The following EPCIP variants were observed in gnomAD, a reference collection of about 807,000 sequenced individuals.
EPCIP encodes the protein exosomal polycystin-1-interacting protein.
At chr21:32,799,342 T>C in the EPCIP span, among the ~76,000 whole-genome samples, 1 of 152,214 alleles carries the variant, frequency 6.6e-6, no homozygotes, top group Non-Finnish European at 1.5e-5. Flanking sequence ...GATTTTCAAA[T>C]TGGCTCCTTT....
chr21:32,797,665 C>T, the EPCIP span: 2 of 152,122 alleles, frequency 1.3e-5, no homozygotes, highest in Admixed American at 6.5e-5. Context: ...AGCAAGGACT[C>T]AACAAATTTC....
chr21:32,797,825 G>T, the EPCIP span: 1 of 152,090 alleles, frequency 6.6e-6, no homozygotes, highest in Non-Finnish European at 1.5e-5. Flanking sequence ...GAAAAATTAA[G>T]GAAGGATTTC....
At chr21:32,795,443 A>G in the EPCIP span, among the ~76,000 whole-genome samples, 1 of 152,218 alleles carries the variant, frequency 6.6e-6, no homozygotes, top group Non-Finnish European at 1.5e-5. Flanking sequence ...ATTATGGCAG[A>G]GTGTACCACA....
chr21:32,793,630 T>C, the EPCIP span: 1 of 799,022 alleles, frequency 1.3e-6, no homozygotes, highest in Non-Finnish European at 2.2e-6. Flanking sequence ...TGTGGCTGTG[T>C]TGCAAATGGA....
At chr21:32,794,413 T>C in the EPCIP span, 2 of 1,611,730 alleles carry the variant, frequency 1.2e-6, no homozygotes, top group South Asian at 2.2e-5. Context: ...GCCTGGAAGG[T>C]GGTGCCATGC....
chr21:32,800,685 A>G, the EPCIP span, among the ~76,000 whole-genome samples: 1 of 152,088 alleles, frequency 6.6e-6, no homozygotes, highest in African/African-American at 2.4e-5. Context: ...CCATGGTGGC[A>G]TGTGCCTGTA....
the EPCIP span, among the ~76,000 whole-genome samples, chr21:32,795,671 C>A: frequency 6.6e-6 from 1 of 152,116 alleles, no homozygotes; most frequent in Non-Finnish European, 1.5e-5. Flanking sequence ...CAACATGTGT[C>A]CAAAGAGTAC....
the EPCIP span, among the ~76,000 whole-genome samples, chr21:32,800,523 A>G: frequency 2.0e-5 from 3 of 152,364 alleles, no homozygotes; most frequent in East Asian, 5.8e-4. Flanking sequence ...AATATTTAAT[A>G]AGTAAGCACA....
the EPCIP span, among the ~76,000 whole-genome samples, chr21:32,795,128 T>C: frequency 6.6e-6 from 1 of 152,182 alleles, no homozygotes; most frequent in Non-Finnish European, 1.5e-5. Flanking sequence ...CTCTTACAAA[T>C]GTACCTAGGT....
chr21:32,811,923 G>A, the EPCIP span, among the ~76,000 whole-genome samples: 1 of 152,238 alleles, frequency 6.6e-6, no homozygotes, highest in Non-Finnish European at 1.5e-5. Context: ...ATGTTCTCTT[G>A]CCCTTTCACC....
chr21:32,794,213 G>A, the EPCIP span: 2 of 1,614,272 alleles, frequency 1.2e-6, no homozygotes, highest in South Asian at 2.2e-5. Flanking sequence ...TCGCTCTACT[G>A]CAAGGGGCAG....
At chr21:32,801,470 C>A in the EPCIP span, among the ~76,000 whole-genome samples, 5 of 152,242 alleles carry the variant, frequency 3.3e-5, no homozygotes, top group Admixed American at 3.3e-4. Context: ...GAAGTGTGCC[C>A]AGAGAACTTG....
chr21:32,802,435 G>T, the EPCIP span, among the ~76,000 whole-genome samples: 1 of 152,216 alleles, frequency 6.6e-6, no homozygotes. Flanking sequence ...GTAAAGGTCT[G>T]AAGCAGGAGA....
chr21:32,809,000 A>G, the EPCIP span, among the ~76,000 whole-genome samples: 1 of 151,762 alleles, frequency 6.6e-6, no homozygotes, highest in Non-Finnish European at 1.5e-5. Flanking sequence ...TCTAGGCACA[A>G]CTCCAAATGA....
the EPCIP span, among the ~76,000 whole-genome samples, chr21:32,813,086 C>A: frequency 6.6e-6 from 1 of 152,060 alleles, no homozygotes; most frequent in African/African-American, 2.4e-5. Flanking sequence ...TAAAACAGAG[C>A]AAAGAAACAG....
the EPCIP span, among the ~76,000 whole-genome samples, chr21:32,795,093 T>C: frequency 6.6e-6 from 1 of 152,234 alleles, no homozygotes; most frequent in African/African-American, 2.4e-5. Context: ...AATCTGTTTG[T>C]GAGTCCATTC....
the EPCIP span, among the ~76,000 whole-genome samples, chr21:32,796,034 CTCCTTCCT>C: frequency 6.7e-5 from 10 of 148,450 alleles, no homozygotes; most frequent in African/African-American, 2.0e-4. Context: ...CCTTCCTTCC[CTCCTTCCT>C]TCCTTCCTTC....
the EPCIP span, chr21:32,797,047 G>A: frequency 2.1e-6 from 1 of 470,090 alleles, no homozygotes; most frequent in Non-Finnish European, 4.4e-6. Context: ...GAATTTGTGA[G>A]CAACTTCCCG....
the EPCIP span, among the ~76,000 whole-genome samples, chr21:32,799,394 G>A: frequency 1.3e-5 from 2 of 152,176 alleles, no homozygotes; most frequent in East Asian, 3.9e-4. Flanking sequence ...AATCTTCAAG[G>A]ATTTTTGCAG....
Sources: gnomAD v4.1 joint callset for allele counts (sites outside exome capture counted in the v4.1 genomes callset) on GRCh38, gnomAD v4.1.1 for gene constraint, MANE v1.5 for transcripts, NCBI Gene and HGNC (gene_info 2026-07-23, HGNC 2026-07-21) for gene names.